The following CLDN10 variants were observed in gnomAD, a reference collection of about 807,000 sequenced individuals.
CLDN10 encodes claudin 10.
In CLDN10, 15 loss-of-function variants were observed where a neutral mutation model predicts 22.9. That is an observed-to-expected ratio of 0.65 (90% confidence interval 0.44 to 1.01). CLDN10 has a LOEUF of 1.01. CLDN10 is among the 50% of genes least tolerant of loss of function. The pLI is 0.00. For synonymous variants in CLDN10, 114 were observed against 111.4 expected, an observed-to-expected ratio of 1.02 and a Z score of -0.15; for missense variants, 247 against 287.8, an observed-to-expected ratio of 0.86 and a Z score of 1.03.
intron 3 of CLDN10, among the ~76,000 whole-genome samples, chr13:95,572,027 G>A (rs1759205249): frequency 6.6e-6 from 1 of 152,186 alleles, no homozygotes; most frequent in South Asian, 2.1e-4. Flanking sequence ...TTAAAAGGAT[G>A]AGGTGCTTTC....
chr13:95,489,046 G>A lies in CLDN10; in HGVS notation c.214+54999G>A, dbSNP rs556524850. On this transcript the variant is annotated intron_variant, in intron 1 of 4. Coordinates refer to the CLDN10 transcript ENST00000376873. Reference sequence around the variant, plus strand: ...TGCTCACTGCAACCTCCGGCTCCTGGGTTCAAGTAATTCTCCTGCCTCAGC... The same window carrying A: ...TGCTCACTGCAACCTCCGGCTCCTGAGTTCAAGTAATTCTCCTGCCTCAGC... Among the ~76,000 whole-genome samples the A allele has an allele frequency of 3.4e-5, 5 of 149,142 alleles. No homozygotes were observed. The East Asian group carries it at 9.9e-4, about 30-fold the overall frequency.
intron 1 of CLDN10, among the ~76,000 whole-genome samples, chr13:95,531,923 G>T (rs888135004): frequency 6.6e-6 from 1 of 152,002 alleles, no homozygotes; most frequent in Non-Finnish European, 1.5e-5. Flanking sequence ...CAGTCCAACA[G>T]GAATTTAAAC....
intron 3 of CLDN10, among the ~76,000 whole-genome samples, chr13:95,570,623 C>T (rs772815320): frequency 1.6e-4 from 24 of 151,800 alleles, no homozygotes; most frequent in Non-Finnish European, 3.4e-4. Flanking sequence ...GATCCTGGCC[C>T]GGGCCAGAGT....
At chr13:95,482,456 C>A (rs533145540) in intron 1 of CLDN10, among the ~76,000 whole-genome samples, 62 of 152,020 alleles carry the variant, frequency 4.1e-4, no homozygotes, top group Admixed American at 7.2e-4. Context: ...GGGTCTAGAG[C>A]CTCACTGAGT....
At chr13:95,471,440 C>CACACACACACACACATATATATAT (rs746573300) in intron 1 of CLDN10, among the ~76,000 whole-genome samples, 1 of 104,404 alleles carries the variant, frequency 9.6e-6, no homozygotes, top group Non-Finnish European at 1.9e-5. Context: ...CACACACACA[C>CACACACACACACACATATATATAT]ATATATATAT....
intron 1 of CLDN10, among the ~76,000 whole-genome samples, chr13:95,547,619 G>T (rs1296453803): frequency 1.3e-5 from 2 of 152,176 alleles, no homozygotes; most frequent in Non-Finnish European, 2.9e-5. Context: ...TATACTTGAA[G>T]AAGTGATGCT....
At chr13:95,539,034 C>A (rs12585702) in intron 1 of CLDN10, among the ~76,000 whole-genome samples, 12,201 of 152,176 alleles carry the variant, frequency 0.08, 648 homozygotes, top group East Asian at 0.22. Flanking sequence ...CACCCGCCAT[C>A]ATACCTGGCT....
At position 95,518,427 on chromosome 13, in the gene CLDN10, T is replaced by G. The variant is rs1212086218; in HGVS notation, c.215-41705T>G. Among the ~76,000 whole-genome samples, 5 of 152,098 alleles carry G rather than the reference T, an allele frequency of 3.3e-5. No homozygotes were observed. In the East Asian group the frequency reaches 9.6e-4, roughly 29 times the overall value. On this transcript the variant is annotated intron_variant, in intron 1 of 4. Transcript: ENST00000376873. ...ATTTGCAAAACCTGGATTTACCAAC[T>G]GCAGTCATTAAGAAAAAAAATCTAT...
chr13:95,524,948 C>A (rs533416716), intron 1 of CLDN10, among the ~76,000 whole-genome samples: 1 of 151,886 alleles, frequency 6.6e-6, no homozygotes, highest in Non-Finnish European at 1.5e-5. Context: ...CAACCTCCAC[C>A]CCCCGGGTTC....
At chr13:95,564,922 A>G (rs1467326966) in intron 3 of CLDN10, among the ~76,000 whole-genome samples, 4 of 152,182 alleles carry the variant, frequency 2.6e-5, no homozygotes, top group Non-Finnish European at 5.9e-5. Context: ...ATCATTTGAC[A>G]GAACTGCAAT....
intron 1 of CLDN10, among the ~76,000 whole-genome samples, chr13:95,456,779 A>T (rs2042485981): frequency 6.6e-6 from 1 of 152,180 alleles, no homozygotes; most frequent in South Asian, 2.1e-4. Flanking sequence ...ACAAAATGAA[A>T]CAAAAACAAA....
intron 1 of CLDN10, among the ~76,000 whole-genome samples, chr13:95,529,092 C>T (rs2043314414): frequency 6.6e-6 from 1 of 151,940 alleles, no homozygotes; most frequent in Non-Finnish European, 1.5e-5. Context: ...TAAGATATTG[C>T]TGCCCATGTC....
intron 1 of CLDN10, among the ~76,000 whole-genome samples, chr13:95,496,429 G>A (rs2042930638): frequency 6.6e-6 from 1 of 152,210 alleles, no homozygotes. Flanking sequence ...AGATAGTACT[G>A]TATGGGGCAT....
At chr13:95,547,336 T>C (rs999005881) in intron 1 of CLDN10, among the ~76,000 whole-genome samples, 2 of 152,166 alleles carry the variant, frequency 1.3e-5, no homozygotes, top group African/African-American at 2.4e-5. Flanking sequence ...CCCTTCCATG[T>C]TGGCATTCGA....
intron 1 of CLDN10, among the ~76,000 whole-genome samples, chr13:95,490,707 G>T (rs1201611113): frequency 6.6e-6 from 1 of 152,158 alleles, no homozygotes; most frequent in African/African-American, 2.4e-5. Flanking sequence ...CTTGGAGAAA[G>T]TTCCATGCTC....
At chr13:95,492,685 G>T (rs929523169) in intron 1 of CLDN10, among the ~76,000 whole-genome samples, 1 of 152,086 alleles carries the variant, frequency 6.6e-6, no homozygotes, top group Admixed American at 6.5e-5. Flanking sequence ...TGGTCAGGAG[G>T]CTTCTTGCCC....
chr13:95,450,430 C>T (rs749977812), intron 1 of CLDN10, among the ~76,000 whole-genome samples: 4 of 152,170 alleles, frequency 2.6e-5, no homozygotes, highest in Admixed American at 2.0e-4. Flanking sequence ...CTCTTTTTCT[C>T]GTGTTGCTCT....
chr13:95,574,351 G>A (rs1412849755), intron 3 of CLDN10, among the ~76,000 whole-genome samples: 1 of 152,154 alleles, frequency 6.6e-6, no homozygotes, highest in Non-Finnish European at 1.5e-5. Flanking sequence ...TAGATGTATG[G>A]TTTCTGAAAT....
At chr13:95,463,284 TAATATA>T (rs1222273535) in intron 1 of CLDN10, among the ~76,000 whole-genome samples, 3 of 32,586 alleles carry the variant, frequency 9.2e-5, no homozygotes, top group African/African-American at 2.9e-4. Context: ...TGCAAATGCT[TAATATA>T]TATATATATA....
Sources: gnomAD v4.1 joint callset for allele counts (sites outside exome capture counted in the v4.1 genomes callset) on GRCh38, gnomAD v4.1.1 for gene constraint, MANE v1.5 for transcripts, NCBI Gene and HGNC (gene_info 2026-07-23, HGNC 2026-07-21) for gene names.